The following PCMTD1 variants were observed in gnomAD, a reference collection of about 807,000 sequenced individuals.
PCMTD1 encodes protein-L-isoaspartate (D-aspartate) O-methyltransferase domain containing 1, also known as protein-L-isoaspartate O-methyltransferase domain-containing protein 1.
Under a neutral mutation model 37.6 loss-of-function variants are expected in PCMTD1, and 12 were observed. That is an observed-to-expected ratio of 0.32 (90% CI 0.20 to 0.52). The LOEUF is 0.52. PCMTD1 is among the 20% of genes least tolerant of loss of function. The probability of loss-of-function intolerance (pLI) is 0.97; values close to 1 mark genes in which losing one functional copy is unlikely to be tolerated. For missense variants in PCMTD1, 235 were observed against 421.3 expected, an observed-to-expected ratio of 0.56 and a Z score of 3.87; for synonymous variants, 117 against 135.8, an observed-to-expected ratio of 0.86 and a Z score of 0.96.
rs1472803821 is a variant in PCMTD1, at chr8:51,850,793, ATATTT to A, written c.308-5035_308-5031del. On this transcript the variant is annotated intron_variant, in intron 2 of 5. Transcript: ENST00000522514. ...AAGGATCTTTCAATAAATTACAATG[ATATTT>A]TATTACTAATTTTAGTTAGATAAAA... is the stretch of plus-strand genomic sequence containing the variant. Among the ~76,000 whole-genome samples the A allele has an allele frequency of 1.1e-4, 17 of 152,312 alleles. No individual in the cohort carries two copies. The South Asian group carries it at 1.2e-3, about 11-fold the overall frequency.
At chr8:51,871,357 T>C (rs990183316) in intron 1 of PCMTD1, among the ~76,000 whole-genome samples, 2 of 152,222 alleles carry the variant, frequency 1.3e-5, no homozygotes, top group Non-Finnish European at 2.9e-5. Flanking sequence ...AGTTATCTTC[T>C]GCCATGCTCT....
chr8:51,879,344 CTTATAAGA>C (rs2038759553), intron 1 of PCMTD1, among the ~76,000 whole-genome samples: 1 of 151,678 alleles, frequency 6.6e-6, no homozygotes, highest in Admixed American at 6.6e-5. Context: ...TAACAGGAAA[CTTATAAGA>C]GCCAAAACCA....
In PCMTD1 at chr8:51,839,112, A is replaced by G. The variant is rs530436770; in HGVS notation, c.411-5423T>C. On this transcript the variant is annotated intron_variant, in intron 3 of 5. Coordinates refer to ENST00000522514, the MANE Select transcript of PCMTD1 (RefSeq NM_052937.4). Reference sequence around the variant, plus strand: ...TTATTCTTTGAAAAAAAAAATGTTCAAAACAAAATTTCCAAGATAGAGATG... The same window carrying G: ...TTATTCTTTGAAAAAAAAAATGTTCGAAACAAAATTTCCAAGATAGAGATG... Among the ~76,000 whole-genome samples, 5 of 152,306 alleles carry G rather than the reference A, an allele frequency of 3.3e-5. No individual in the cohort carries two copies. In the East Asian group the frequency reaches 9.6e-4, roughly 29 times the overall value.
chr8:51,845,209 T>C (rs2038200785), intron 3 of PCMTD1: 1 of 153,648 alleles, frequency 6.5e-6, no homozygotes, highest in Admixed American at 6.4e-5. Context: ...GATATATCAA[T>C]GTATTTCTAT....
chr8:51,854,795 T>C (rs1232114413), intron 2 of PCMTD1, among the ~76,000 whole-genome samples: 1 of 151,834 alleles, frequency 6.6e-6, no homozygotes, highest in Non-Finnish European at 1.5e-5. Context: ...GAGAATTGCT[T>C]GAACCTGGGA....
intron 1 of PCMTD1, among the ~76,000 whole-genome samples, chr8:51,866,136 T>A (rs1263016239): frequency 1.3e-5 from 2 of 151,676 alleles, no homozygotes; most frequent in African/African-American, 4.8e-5. Context: ...TAAACACTAT[T>A]AAATATTGAA....
At chr8:51,843,805 CAA>C (rs1164084230) in intron 3 of PCMTD1, among the ~76,000 whole-genome samples, 3 of 152,126 alleles carry the variant, frequency 2.0e-5, no homozygotes, top group Non-Finnish European at 4.4e-5. Flanking sequence ...TTCACTGATT[CAA>C]GAGTCTTCCT....
At chr8:51,895,857 G>C (rs2038991943) in intron 1 of PCMTD1, 2 of 151,084 alleles carry the variant, frequency 1.3e-5, no homozygotes, top group Admixed American at 1.3e-4. Context: ...AAATGTCAAA[G>C]CTTTTCCTGT....
chr8:51,870,745 G>A (rs1054353635), intron 1 of PCMTD1, among the ~76,000 whole-genome samples: 1 of 152,150 alleles, frequency 6.6e-6, no homozygotes, highest in African/African-American at 2.4e-5. Context: ...GGCTCCTGAC[G>A]CATAATTCAA....
intron 1 of PCMTD1, among the ~76,000 whole-genome samples, chr8:51,862,779 G>T (rs1206646629): frequency 1.3e-5 from 2 of 152,150 alleles, no homozygotes; most frequent in African/African-American, 2.4e-5. Context: ...ATTGCCTTAA[G>T]AACTTTTGGA....
intron 1 of PCMTD1, among the ~76,000 whole-genome samples, chr8:51,889,661 A>T (rs1020620181): frequency 3.3e-5 from 5 of 152,224 alleles, no homozygotes; most frequent in Admixed American, 2.6e-4. Flanking sequence ...CTTTGACAAG[A>T]TGCAAAGTTA....
chr8:51,847,337 C>A (rs577828517), intron 2 of PCMTD1, among the ~76,000 whole-genome samples: 3 of 152,188 alleles, frequency 2.0e-5, no homozygotes, highest in African/African-American at 7.2e-5. Flanking sequence ...TAAAATAATT[C>A]AAATACAGGC....
chr8:51,890,956 C>T (rs1405970062), intron 1 of PCMTD1, among the ~76,000 whole-genome samples: 1 of 152,166 alleles, frequency 6.6e-6, no homozygotes, highest in African/African-American at 2.4e-5. Context: ...TTCATTAACA[C>T]AGAGGTCCCT....
chr8:51,890,523 G>A (rs2038922173), intron 1 of PCMTD1, among the ~76,000 whole-genome samples: 1 of 152,108 alleles, frequency 6.6e-6, no homozygotes, highest in African/African-American at 2.4e-5. Context: ...AACAAAGACT[G>A]TTTTGCATTT....
chr8:51,878,430 A>C (rs2038745947), intron 1 of PCMTD1, among the ~76,000 whole-genome samples: 1 of 152,122 alleles, frequency 6.6e-6, no homozygotes, highest in Admixed American at 6.6e-5. Flanking sequence ...ACTATTTCAA[A>C]ATGAAGTTAT....
At chr8:51,850,467 T>C (rs562884460) in intron 2 of PCMTD1, among the ~76,000 whole-genome samples, 1 of 152,250 alleles carries the variant, frequency 6.6e-6, no homozygotes, top group Non-Finnish European at 1.5e-5. Context: ...ACAGATAAAA[T>C]GGAATCTCTC....
chr8:51,838,367 T>G (rs1247904041), intron 3 of PCMTD1, among the ~76,000 whole-genome samples: 1 of 151,876 alleles, frequency 6.6e-6, no homozygotes, highest in African/African-American at 2.4e-5. Flanking sequence ...CACGCGCCTA[T>G]AGTCCCAGCT....
At position 51,876,071 on chromosome 8, in the gene PCMTD1, C is replaced by T. The variant is rs1457517768; in HGVS notation, c.-95-14825G>A. 2.6e-5 allele frequency among the ~76,000 whole-genome samples: 4 copies of T among 152,210 alleles called. No homozygotes were observed. In the South Asian group the frequency reaches 8.3e-4, roughly 31 times the overall value. On this transcript the variant is annotated intron_variant, in intron 1 of 5. Coordinates refer to ENST00000522514, the MANE Select transcript of PCMTD1 (RefSeq NM_052937.4). ...CTACAATAGTCCCTGATGCCTACCA[C>T]ATGCTCAATAGGTGTCGCTTCTATT...
intron 1 of PCMTD1, among the ~76,000 whole-genome samples, chr8:51,894,577 A>G (rs1386017257): frequency 6.6e-6 from 1 of 152,262 alleles, no homozygotes; most frequent in Non-Finnish European, 1.5e-5. Flanking sequence ...CAAAGGATTC[A>G]GCACACTGAC....
Sources: allele counts gnomAD v4.1 joint callset (sites outside exome capture counted in the v4.1 genomes callset), GRCh38; gene constraint gnomAD v4.1.1; transcripts MANE v1.5; gene names NCBI Gene and HGNC (gene_info 2026-07-23, HGNC 2026-07-21).